Variants in MCTP1 observed in about 807,000 individuals in gnomAD.
MCTP1 encodes multiple C2 and transmembrane domain containing 1.
In MCTP1, 69 loss-of-function variants were observed where a neutral mutation model predicts 120.6. The ratio of observed to expected loss-of-function variants is 0.57; its 90% CI spans 0.47 to 0.70. The LOEUF (loss-of-function observed/expected upper bound fraction) is 0.70. Ranked by LOEUF, MCTP1 falls within the 30% of genes least tolerant of loss-of-function variation. The pLI is 0.00. For synonymous variants in MCTP1, 529 were observed against 493.1 expected (o/e 1.07, Z -0.96); for missense variants, 1,203 against 1,248.8 (o/e 0.96, Z 0.55).
intron 2 of MCTP1, among the ~76,000 whole-genome samples, chr5:95,016,181 A>C (rs2153665595): frequency 6.6e-6 from 1 of 151,908 alleles, no homozygotes; most frequent in South Asian, 2.1e-4. Context: ...GTCTTTTTAA[A>C]CTTTTTTTAA....
intron 1 of MCTP1, among the ~76,000 whole-genome samples, chr5:95,167,976 T>A (rs1486410940): frequency 6.6e-6 from 1 of 152,254 alleles, no homozygotes; most frequent in Non-Finnish European, 1.5e-5. Context: ...TGCCCATGCC[T>A]ATGTCCTGAA....
intron 1 of MCTP1, among the ~76,000 whole-genome samples, chr5:95,032,916 A>C (rs1275778841): frequency 6.6e-6 from 1 of 151,910 alleles, no homozygotes; most frequent in African/African-American, 2.4e-5. Context: ...TTACAACTGA[A>C]ACTACAAAAG....
At chr5:94,770,655 G>C (rs920774818) in intron 19 of MCTP1, among the ~76,000 whole-genome samples, 2 of 152,132 alleles carry the variant, frequency 1.3e-5, no homozygotes, top group African/African-American at 4.8e-5. Context: ...AGTGGAACAA[G>C]GTGTAACAAA....
At chr5:95,144,149 C>G (rs1375478301) in intron 1 of MCTP1, among the ~76,000 whole-genome samples, 1 of 152,142 alleles carries the variant, frequency 6.6e-6, no homozygotes, top group African/African-American at 2.4e-5. Flanking sequence ...TTGCATTTCT[C>G]TAATGATTAG....
chr5:95,278,652 G>A (rs1393337818), intron 1 of MCTP1, among the ~76,000 whole-genome samples: 1 of 152,114 alleles, frequency 6.6e-6, no homozygotes, highest in Non-Finnish European at 1.5e-5. Flanking sequence ...TTAAAGCAAA[G>A]AACTTTCTGT....
In MCTP1 at chr5:94,704,662, C is replaced by A. The variant is rs768624034; in HGVS notation, c.*2834G>T. On this transcript the variant is annotated 3_prime_UTR_variant, in exon 23 of 23. Coordinates refer to ENST00000515393, the MANE Select transcript of MCTP1 (RefSeq NM_024717.7). ...CAACTCCAGATTTGATTTTAGTATACAATCATTGGTTTGACCGTTGTCTAT... is the reference window on the plus strand; with the variant it reads ...CAACTCCAGATTTGATTTTAGTATAAAATCATTGGTTTGACCGTTGTCTAT... The A allele has an allele frequency of 6.7e-6, 1 of 149,906 alleles. No homozygotes were observed. Among genetic ancestry groups the A allele is most frequent in the Non-Finnish European group, 1.5e-5 (1 of 66,516 alleles). 9.3% of individuals were successfully genotyped at this position (149,906 alleles called of 1,614,324 possible). A position where few individuals can be genotyped will look rare whatever the true frequency, so the allele number is the denominator to read the frequency against.
chr5:95,110,830 T>C (rs1373297909), intron 1 of MCTP1, among the ~76,000 whole-genome samples: 2 of 152,140 alleles, frequency 1.3e-5, no homozygotes, highest in Non-Finnish European at 2.9e-5. Flanking sequence ...TCTACCAATA[T>C]TGGGGATGAT....
intron 1 of MCTP1, chr5:95,068,713 A>C: frequency 1.0e-6 from 1 of 968,278 alleles, no homozygotes; most frequent in East Asian, 7.6e-5. Context: ...TTCGGTCAAA[A>C]AATAAAGCTT....
Position 94,705,512 on chromosome 5 carries a change from A to AC in MCTP1, c.*1983_*1984insG, listed in dbSNP as rs1199285879. Reference sequence around the variant, plus strand: ...CTCATCAATCTCTGAACCACCAAAAAAAAAAAAAAAAGGAGTGCTGATTAT... The same window carrying AC: ...CTCATCAATCTCTGAACCACCAAAAACAAAAAAAAAAAGGAGTGCTGATTAT... On this transcript the variant is annotated 3_prime_UTR_variant, in exon 23 of 23. Coordinates refer to ENST00000515393, the MANE Select transcript of MCTP1 (RefSeq NM_024717.7). 1 of 151,174 alleles carries AC rather than the reference A, an allele frequency of 6.6e-6. No individual in the cohort carries two copies. Among genetic ancestry groups the AC allele is most frequent in the Non-Finnish European group, 1.5e-5 (1 of 67,548 alleles). 9.4% of individuals were successfully genotyped at this position (151,174 alleles called of 1,614,324 possible). A position where few individuals can be genotyped will look rare whatever the true frequency, so the allele number is the denominator to read the frequency against.
chr5:94,832,709 A>T (rs1350704332), intron 17 of MCTP1, among the ~76,000 whole-genome samples: 3 of 152,006 alleles, frequency 2.0e-5, no homozygotes, highest in Non-Finnish European at 4.4e-5. Context: ...ACTACCTTAA[A>T]TTCCAGCTGC....
chr5:94,869,321 T>C (rs1207820815), intron 16 of MCTP1, among the ~76,000 whole-genome samples: 1 of 152,010 alleles, frequency 6.6e-6, no homozygotes, highest in Non-Finnish European at 1.5e-5. Flanking sequence ...CTATGTAAAG[T>C]TTACTGAGGT....
At chr5:94,835,151 G>C (rs193177341) in intron 17 of MCTP1, among the ~76,000 whole-genome samples, 1 of 152,322 alleles carries the variant, frequency 6.6e-6, no homozygotes, top group Admixed American at 6.5e-5. Flanking sequence ...TTAGTTAGCA[G>C]TTGATGAATG....
chr5:95,073,965 A>T (rs1176359163), intron 1 of MCTP1, among the ~76,000 whole-genome samples: 1 of 152,018 alleles, frequency 6.6e-6, no homozygotes, highest in African/African-American at 2.4e-5. Flanking sequence ...ACAAAAAAAA[A>T]TTTGGCCGGG....
At chr5:95,022,008 G>C (rs1358682423) in intron 1 of MCTP1, among the ~76,000 whole-genome samples, 1 of 152,062 alleles carries the variant, frequency 6.6e-6, no homozygotes, top group African/African-American at 2.4e-5. Flanking sequence ...ATTTTTGGTT[G>C]ATAGATTTTT....
At chr5:94,869,611 G>A (rs1210589643) in intron 16 of MCTP1, among the ~76,000 whole-genome samples, 1 of 151,948 alleles carries the variant, frequency 6.6e-6, no homozygotes, top group Non-Finnish European at 1.5e-5. Flanking sequence ...TTTATTAAGA[G>A]TAAAAATATA....
chr5:95,280,474 C>G (rs1760223586), intron 1 of MCTP1, among the ~76,000 whole-genome samples: 1 of 152,154 alleles, frequency 6.6e-6, no homozygotes, highest in Non-Finnish European at 1.5e-5. Context: ...ACTTTCTGAT[C>G]CTAGCAAAAC....
chr5:95,169,338 G>C (rs1314117086), intron 1 of MCTP1, among the ~76,000 whole-genome samples: 1 of 152,194 alleles, frequency 6.6e-6, no homozygotes, highest in Non-Finnish European at 1.5e-5. Context: ...GTTCATCAGG[G>C]ATATTGGTCT....
intron 1 of MCTP1, among the ~76,000 whole-genome samples, chr5:95,220,438 AT>A (rs924514192): frequency 6.6e-5 from 10 of 151,986 alleles, no homozygotes; most frequent in Admixed American, 1.3e-4. Flanking sequence ...CACTATCAGA[AT>A]TTTTTTCATT....
chr5:95,146,820 A>T (rs1582362931), intron 1 of MCTP1, among the ~76,000 whole-genome samples: 1 of 152,106 alleles, frequency 6.6e-6, no homozygotes, highest in African/African-American at 2.4e-5. Flanking sequence ...TTAGAATATG[A>T]TTCATGTTTG....
Sources: allele counts gnomAD v4.1 joint callset (sites outside exome capture counted in the v4.1 genomes callset), GRCh38; gene constraint gnomAD v4.1.1; transcripts MANE v1.5; gene names NCBI Gene and HGNC (gene_info 2026-07-23, HGNC 2026-07-21).